CLTRN: variants seen among roughly 807,000 people sequenced by gnomAD.
CLTRN encodes the protein collectrin, amino acid transport regulator.
In CLTRN, 12 loss-of-function variants were observed where a neutral mutation model predicts 14.5. The observed-to-expected ratio is 0.83, with a 90% CI of 0.53 to 1.34. The LOEUF is 1.34. Ranked by LOEUF, CLTRN falls within the 40% of genes most tolerant of loss-of-function variation. The pLI, the probability that CLTRN is intolerant of heterozygous loss-of-function variation, is 0.00. For synonymous variants in CLTRN, 58 were observed against 56.5 expected, an observed-to-expected ratio of 1.03 and a Z score of -0.12; for missense variants, 154 against 165.1, an observed-to-expected ratio of 0.93 and a Z score of 0.37.
At chrX:15,646,462 A>ACCCCC (rs111413791) in intron 3 of CLTRN, 53 of 177,472 alleles carry the variant, frequency 3.0e-4, no homozygotes, top group South Asian at 5.4e-4. Flanking sequence ...CCGCGCACCC[A>ACCCCC]CCCCCCCGCC....
At chrX:15,636,630 G>A (rs1275192065) in intron 5 of CLTRN, among the ~76,000 whole-genome samples, 1 of 111,291 alleles carries the variant, frequency 9.0e-6, no homozygotes, top group African/African-American at 3.3e-5. Context: ...TTGGTGAATT[G>A]GAGAAGTTTC....
chrX:15,648,834 A>T (rs997443575), intron 3 of CLTRN, among the ~76,000 whole-genome samples: 1 of 111,547 alleles, frequency 9.0e-6, no homozygotes, highest in Non-Finnish European at 1.9e-5. Flanking sequence ...TAAATCTCAA[A>T]AATACACCAT....
chrX:15,646,962 G>A (rs1242980783), intron 3 of CLTRN: 2 of 256,307 alleles, frequency 7.8e-6, no homozygotes, highest in African/African-American at 5.7e-5. Context: ...CTACTCCCGG[G>A]CAGCGTTGTC....
chrX:15,635,486 T>C (rs917931810), intron 5 of CLTRN, among the ~76,000 whole-genome samples: 9 of 112,142 alleles, frequency 8.0e-5, no homozygotes, highest in Non-Finnish European at 1.7e-4. Flanking sequence ...CATGCACTTA[T>C]GGTCAACAGA....
intron 1 of CLTRN, chrX:15,674,787 G>C (rs1329595930): frequency 8.8e-6 from 1 of 113,071 alleles, no homozygotes; most frequent in Non-Finnish European, 1.9e-5. Context: ...TGCAACTGGC[G>C]GGAGAGGCGT....
At position 15,646,348 on chromosome X, in the gene CLTRN, G is replaced by A. The variant is rs961401203; in HGVS notation, c.204-1319C>T. 25 of 263,260 alleles carry A rather than the reference G, an allele frequency of 9.5e-5. No individual in the cohort carries two copies. The Admixed American group carries it at 1.3e-3, about 14-fold the overall frequency. 21.7% of individuals were successfully genotyped at this position (263,260 alleles called of 1,213,427 possible). On this transcript the variant is annotated intron_variant, in intron 3 of 5. Transcript: ENST00000380342. ...ATCTCTGGCCCTGACCGCAGATTTCGGAAACTTCTGGCAGCCCAGTGTCTA... is the reference window on the plus strand; with the variant it reads ...ATCTCTGGCCCTGACCGCAGATTTCAGAAACTTCTGGCAGCCCAGTGTCTA...
At chrX:15,646,456 G>A (rs1929070182) in intron 3 of CLTRN, 1 of 286,254 alleles carries the variant, frequency 3.5e-6, no homozygotes. Context: ...AGAAAACCGC[G>A]CACCCACCCC....
At chrX:15,671,883 C>CA (rs1555985300) in intron 1 of CLTRN, among the ~76,000 whole-genome samples, 38 of 56,958 alleles carry the variant, frequency 6.7e-4, no homozygotes, top group Admixed American at 1.3e-3. Context: ...CACACACACA[C>CA]AATTTCCAGT....
chrX:15,646,300 G>T (rs1929065987), intron 3 of CLTRN: 1 of 250,761 alleles, frequency 4.0e-6, no homozygotes, highest in Admixed American at 5.3e-5. Context: ...ACCAAAGGTC[G>T]CTGGTCACTG....
intron 3 of CLTRN, among the ~76,000 whole-genome samples, chrX:15,653,712 T>C (rs941797800): frequency 8.9e-6 from 1 of 111,756 alleles, no homozygotes; most frequent in Non-Finnish European, 1.9e-5. Flanking sequence ...GGCACACCAG[T>C]GACCAATGCA....
intron 2 of CLTRN, among the ~76,000 whole-genome samples, chrX:15,663,228 G>C (rs1190761138): frequency 1.8e-5 from 2 of 111,947 alleles, no homozygotes; most frequent in African/African-American, 3.2e-5. Context: ...CTCCACAAGG[G>C]TAAGGACAAG....
chrX:15,645,481 G>A (rs1205382948), intron 3 of CLTRN, among the ~76,000 whole-genome samples: 1 of 111,752 alleles, frequency 8.9e-6, no homozygotes, highest in Non-Finnish European at 1.9e-5. Context: ...TGCTCTGTCT[G>A]CATCTACTGT....
At chrX:15,649,151 G>A (rs988167060) in intron 3 of CLTRN, among the ~76,000 whole-genome samples, 2 of 111,120 alleles carry the variant, frequency 1.8e-5, no homozygotes, top group Non-Finnish European at 3.8e-5. Context: ...CATACACTGT[G>A]GAGGTGTGAA....
At chrX:15,659,271 C>T (rs1361833131) in intron 2 of CLTRN, among the ~76,000 whole-genome samples, 170 bp from the exon 3 acceptor site, 2 of 110,284 alleles carry the variant, frequency 1.8e-5, no homozygotes, top group African/African-American at 6.6e-5. Flanking sequence ...AAATTATATC[C>T]CCATGTTTGG....
chrX:15,673,773 G>T (rs1239740326), intron 1 of CLTRN, among the ~76,000 whole-genome samples: 1 of 112,291 alleles, frequency 8.9e-6, no homozygotes, highest in Non-Finnish European at 1.9e-5. Flanking sequence ...GGCATATGTA[G>T]AAGTGTATAT....
chrX:15,650,773 T>A (rs1009428401), intron 3 of CLTRN, among the ~76,000 whole-genome samples: 16 of 112,091 alleles, frequency 1.4e-4, no homozygotes. Flanking sequence ...TACAGACGTG[T>A]TTATATTTTG....
At chrX:15,675,078 C>A (rs890378075), upstream of CLTRN, 1 of 113,050 alleles carries the variant, frequency 8.8e-6, no homozygotes, top group Admixed American at 9.2e-5. Context: ...GTGAGGAGCG[C>A]AGGCAGCAAG....
intron 3 of CLTRN, among the ~76,000 whole-genome samples, chrX:15,655,084 G>T (rs941412997): frequency 8.9e-6 from 1 of 111,791 alleles, no homozygotes. Context: ...ACCTACAGCT[G>T]CTCTCCTTCC....
intron 3 of CLTRN, among the ~76,000 whole-genome samples, chrX:15,657,522 G>C (rs1337276969): frequency 6.2e-5 from 7 of 112,317 alleles, no homozygotes; most frequent in Non-Finnish European, 1.1e-4. Context: ...GGAACTAATA[G>C]TGCCATGAAC....
Sources: allele counts gnomAD v4.1 joint callset (sites outside exome capture counted in the v4.1 genomes callset), GRCh38; gene constraint gnomAD v4.1.1; transcripts MANE v1.5; gene names NCBI Gene and HGNC (gene_info 2026-07-23, HGNC 2026-07-21).